ERC1: variants seen among roughly 807,000 people sequenced by gnomAD.
ERC1 encodes ELKS/RAB6-interacting/CAST family member 1, also known as RAB6 interacting protein 2.
Under a neutral mutation model 132.0 loss-of-function variants are expected in ERC1, and 56 were observed. That is an observed-to-expected ratio of 0.42 (90% CI 0.34 to 0.53). The LOEUF (loss-of-function observed/expected upper bound fraction) is 0.53, where lower values mean the gene tolerates loss of function less well. ERC1 is among the 20% of genes least tolerant of loss of function. The pLI is 0.03. For missense variants in ERC1, 1,202 were observed against 1,349.9 expected, an observed-to-expected ratio of 0.89 and a Z score of 1.72; for synonymous variants, 478 against 476.1, an observed-to-expected ratio of 1.00 and a Z score of -0.05.
rs538961813 is a variant in ERC1, at chr12:1,208,957, A to ATTTTTTTTTTTTTTTTT, written c.2351+18918_2351+18934dup. 2.8e-5 allele frequency among the ~76,000 whole-genome samples: 2 copies of ATTTTTTTTTTTTTTTTT among 71,610 alleles called. 1 individual carries two copies. The highest frequency in any genetic ancestry group is 1.3e-4 in the African/African-American group (2 of 15,950). The allele number at this position is 71,610 out of a possible 152,430, so 47.0% of individuals were successfully genotyped here. The stretch of plus-strand genomic sequence containing the variant: ...AGGCACTTGCCACCACGCCCAGCTG[A>ATTTTTTTTTTTTTTTTT]TTTTTTTTTTTTTTTTTTTTTTTTT... On this transcript the variant is annotated intron_variant, in intron 12 of 18. Transcript: ENST00000360905.
intron 2 of ERC1, among the ~76,000 whole-genome samples, chr12:1,030,758 T>C (rs1162997644): frequency 2.6e-5 from 4 of 152,264 alleles, no homozygotes; most frequent in Middle Eastern, 3.4e-3. Flanking sequence ...ATACAGTGTT[T>C]TCACTGTATC....
At chr12:1,298,901 A>G (rs2080184174) in intron 15 of ERC1, among the ~76,000 whole-genome samples, 1 of 152,144 alleles carries the variant, frequency 6.6e-6, no homozygotes, top group African/African-American at 2.4e-5. Context: ...AGCTATATTA[A>G]TATCAGACAA....
intron 2 of ERC1, among the ~76,000 whole-genome samples, chr12:1,066,211 A>C (rs1431774553): frequency 6.6e-6 from 1 of 152,268 alleles, no homozygotes; most frequent in Admixed American, 6.5e-5. Context: ...TTTTATGAAC[A>C]GTCATAAATT....
Position 1,179,958 on chromosome 12 carries a change from A to G in ERC1, c.1738-582A>G, listed in dbSNP as rs115911220. ...AGATGATATAAGTAAATGAATGCAT[A>G]TAAGTATGTATGAATGAATGGCTAA... On this transcript the variant is annotated intron_variant, in intron 8 of 18. Coordinates refer to ENST00000360905, the MANE Select transcript of ERC1 (RefSeq NM_178040.4). 4.4e-3 allele frequency among the ~76,000 whole-genome samples: 674 copies of G among 152,334 alleles called. 3 individuals are homozygous for G. Among genetic ancestry groups the G allele is most frequent in the African/African-American group, 0.015 (631 of 41,576 alleles).
chr12:1,109,899 T>G (rs1945663640), intron 4 of ERC1, among the ~76,000 whole-genome samples: 1 of 152,108 alleles, frequency 6.6e-6, no homozygotes, highest in South Asian at 2.1e-4. Flanking sequence ...AATACAAAAA[T>G]TAGCTGGGCA....
intron 18 of ERC1, among the ~76,000 whole-genome samples, chr12:1,464,229 G>A (rs1237431300): frequency 1.3e-5 from 2 of 152,168 alleles, no homozygotes; most frequent in African/African-American, 2.4e-5. Context: ...AGAAAGAGAA[G>A]GAAAGAGAAA....
chr12:1,220,898 T>C (rs1189673116), intron 12 of ERC1, among the ~76,000 whole-genome samples: 1 of 152,226 alleles, frequency 6.6e-6, no homozygotes, highest in Non-Finnish European at 1.5e-5. Flanking sequence ...GCATTTGCTG[T>C]TTCCTTCGTG....
At chr12:1,250,466 T>C (rs973406952) in intron 13 of ERC1, among the ~76,000 whole-genome samples, 5 of 152,262 alleles carry the variant, frequency 3.3e-5, no homozygotes, top group African/African-American at 1.2e-4. Context: ...AAGTGAAGAA[T>C]TACTTTAAAA....
intron 7 of ERC1, among the ~76,000 whole-genome samples, chr12:1,137,100 CTT>C (rs944757047): frequency 5.7e-5 from 7 of 122,880 alleles, no homozygotes; most frequent in Non-Finnish European, 6.8e-5. Context: ...TTTTTCTTTT[CTT>C]TTTTTTTTTT....
intron 18 of ERC1, among the ~76,000 whole-genome samples, chr12:1,472,950 T>C (rs2093893187): frequency 6.6e-6 from 1 of 152,238 alleles, no homozygotes; most frequent in Non-Finnish European, 1.5e-5. Flanking sequence ...AGGAGATGAC[T>C]GTGAACTATC....
In ERC1 at chr12:1,035,903, C is replaced by T. The variant is rs1383094149; in HGVS notation, c.669+7331C>T. Among the ~76,000 whole-genome samples, 9 of 150,616 alleles carry T rather than the reference C, an allele frequency of 6.0e-5. No individual in the cohort carries two copies. The East Asian group carries it at 1.4e-3, about 23-fold the overall frequency. On this transcript the variant is annotated intron_variant, in intron 2 of 18. Coordinates refer to ENST00000360905, the MANE Select transcript of ERC1 (RefSeq NM_178040.4). ...CACCACTGCACTCCAGCCTGGGAGA[C>T]AGAGCATGACTCCGTCTCAGAAAAA...
chr12:1,405,086 G>A (rs1341812871), intron 16 of ERC1, among the ~76,000 whole-genome samples: 1 of 151,706 alleles, frequency 6.6e-6, no homozygotes, highest in African/African-American at 2.4e-5. Flanking sequence ...GTTGCAGCGA[G>A]CTGAGATCTC....
chr12:1,021,405 T>TA (rs1966345646), intron 1 of ERC1, among the ~76,000 whole-genome samples: 1 of 151,822 alleles, frequency 6.6e-6, no homozygotes, highest in Non-Finnish European at 1.5e-5. Flanking sequence ...ACTTACTACT[T>TA]ACTATAAAAG....
chr12:1,495,282 CTG>C lies in ERC1; in HGVS notation c.*5054_*5055del. 1 of 230,154 alleles carries C rather than the reference CTG, an allele frequency of 4.3e-6. No individual in the cohort carries two copies. Among genetic ancestry groups the C allele is most frequent in the African/African-American group, 2.2e-5 (1 of 45,290 alleles). The allele number at this position is 230,154 out of a possible 1,614,324, so 14.3% of individuals were successfully genotyped here. On this transcript the variant is annotated 3_prime_UTR_variant, in exon 19 of 19. Transcript: ENST00000360905. The stretch of plus-strand genomic sequence containing the variant: ...GAGCCTGCAATCCAGGTGGAACAGA[CTG>C]TCCTCCATGTCAGTTCCTTCTGGCT...
intron 12 of ERC1, among the ~76,000 whole-genome samples, chr12:1,231,395 T>C (rs894402692): frequency 6.6e-6 from 1 of 152,226 alleles, no homozygotes; most frequent in African/African-American, 2.4e-5. Flanking sequence ...ATTGTAGCTA[T>C]AGTTATTTTT....
rs79569264 is a variant in ERC1, at chr12:1,389,428, A to G, written c.2925+17451A>G. On this transcript the variant is annotated intron_variant, in intron 16 of 18. Coordinates refer to ENST00000360905, the MANE Select transcript of ERC1 (RefSeq NM_178040.4). ...TTTACTGTTTTCTGACACATACTAAAATATTAACACAGGCCATTCTTTTCA... is the reference window on the plus strand; with the variant it reads ...TTTACTGTTTTCTGACACATACTAAGATATTAACACAGGCCATTCTTTTCA... Among the ~76,000 whole-genome samples, 921 of 152,312 alleles carry G rather than the reference A, an allele frequency of 6.0e-3. 12 individuals carry two copies. The highest frequency in any genetic ancestry group is 0.021 in the African/African-American group (889 of 41,560).
chr12:1,064,641 G>T (rs554646962), intron 2 of ERC1, among the ~76,000 whole-genome samples: 2 of 152,086 alleles, frequency 1.3e-5, no homozygotes, highest in African/African-American at 4.8e-5. Context: ...GAATCCTCCC[G>T]CCTGGCCTCC....
intron 14 of ERC1, among the ~76,000 whole-genome samples, chr12:1,273,445 T>C (rs936482906): frequency 9.2e-5 from 14 of 152,236 alleles, no homozygotes; most frequent in African/African-American, 3.1e-4. Flanking sequence ...GTGAATATTA[T>C]AAGTATACAT....
intron 13 of ERC1, among the ~76,000 whole-genome samples, chr12:1,237,239 AAAATGGATTGCTAATCTTGGTT>A (rs2075480980): frequency 6.6e-6 from 1 of 152,154 alleles, no homozygotes; most frequent in South Asian, 2.1e-4. Flanking sequence ...TCCATTCATT[AAAATGGATTGCTAATCTTGGTT>A]TGTGTCTTTC....
Sources: gnomAD v4.1 joint callset for allele counts (sites outside exome capture counted in the v4.1 genomes callset) on GRCh38, gnomAD v4.1.1 for gene constraint, MANE v1.5 for transcripts, NCBI Gene and HGNC (gene_info 2026-07-23, HGNC 2026-07-21) for gene names.